TMEM163: variants seen among roughly 807,000 people sequenced by gnomAD.
TMEM163 encodes the protein transmembrane protein 163.
A neutral mutation model predicts 29.3 loss-of-function variants in TMEM163; 17 were observed. The observed-to-expected ratio is 0.58, with a 90% CI of 0.40 to 0.87. The LOEUF (loss-of-function observed/expected upper bound fraction) is 0.87. Ranked by LOEUF, TMEM163 falls within the 40% of genes least tolerant of loss-of-function variation. The pLI, the probability that TMEM163 is intolerant of heterozygous loss-of-function variation, is 0.00. For synonymous variants in TMEM163, 157 were observed against 160.6 expected (o/e 0.98, Z 0.17); for missense variants, 303 against 381.5 (o/e 0.79, Z 1.71).
At chr2:134,618,554 T>C (rs1397040175) in intron 2 of TMEM163, among the ~76,000 whole-genome samples, 3 of 152,152 alleles carry the variant, frequency 2.0e-5, no homozygotes, top group African/African-American at 7.2e-5. Context: ...TGACCTAATA[T>C]TTAAAGAACA....
intron 4 of TMEM163, among the ~76,000 whole-genome samples, chr2:134,507,588 G>T (rs986651368): frequency 6.6e-6 from 1 of 152,138 alleles, no homozygotes; most frequent in African/African-American, 2.4e-5. Flanking sequence ...TGAATAGGCC[G>T]GGTGTGGTGG....
intron 2 of TMEM163, among the ~76,000 whole-genome samples, chr2:134,582,580 G>A (rs535484511): frequency 1.1e-4 from 17 of 152,164 alleles, no homozygotes; most frequent in Admixed American, 2.6e-4. Context: ...AAAAATTCAC[G>A]TCAAAGCTTC....
At chr2:134,582,057 G>A (rs115194110) in intron 2 of TMEM163, among the ~76,000 whole-genome samples, 143 of 152,280 alleles carry the variant, frequency 9.4e-4, no homozygotes, top group Non-Finnish European at 1.7e-3. Flanking sequence ...CCATGAGAGA[G>A]CACAAGGTAT....
At chr2:134,527,426 C>A (rs1460763347) in intron 4 of TMEM163, among the ~76,000 whole-genome samples, 1 of 151,990 alleles carries the variant, frequency 6.6e-6, no homozygotes, top group African/African-American at 2.4e-5. Flanking sequence ...GAAAAAAATA[C>A]AACAAATCCT....
intron 1 of TMEM163, among the ~76,000 whole-genome samples, chr2:134,714,854 T>A (rs904435807): frequency 6.6e-6 from 1 of 152,182 alleles, no homozygotes; most frequent in Non-Finnish European, 1.5e-5. Context: ...AAATATAGCA[T>A]GTCCCTTTGT....
intron 2 of TMEM163, among the ~76,000 whole-genome samples, chr2:134,644,375 C>T (rs997260236): frequency 2.0e-5 from 3 of 152,076 alleles, no homozygotes; most frequent in Admixed American, 1.3e-4. Context: ...TAGAAAGCTA[C>T]GGTAATTAAG....
intron 4 of TMEM163, among the ~76,000 whole-genome samples, chr2:134,538,011 G>A (rs1680578355): frequency 6.6e-6 from 1 of 152,190 alleles, no homozygotes; most frequent in Non-Finnish European, 1.5e-5. Context: ...TCTGCTGGTG[G>A]GAATGTAAAA....
Position 134,460,280 on chromosome 2 carries a change from G to C in TMEM163, c.668-2107C>G, listed in dbSNP as rs547099097. On this transcript the variant is annotated intron_variant, in intron 6 of 7. Coordinates refer to ENST00000281924, the MANE Select transcript of TMEM163 (RefSeq NM_030923.5). The surrounding 1 kb of genome is among the most constrained non-coding windows in gnomAD (Gnocchi z 4.3). ...CACACAACCCTGCAACAGCCATCCT[G>C]CCCTCCCCTCAGGGCCACTGGGCTT... is the stretch of plus-strand genomic sequence containing the variant. Among the ~76,000 whole-genome samples the C allele has an allele frequency of 2.0e-5, 3 of 151,830 alleles. No individual in the cohort carries two copies. The highest frequency in any genetic ancestry group is 4.4e-5 in the Non-Finnish European group (3 of 67,958).
intron 2 of TMEM163, among the ~76,000 whole-genome samples, chr2:134,684,922 C>CAAA (rs56956631): frequency 1.3e-5 from 1 of 74,804 alleles, no homozygotes. Flanking sequence ...GACCCTGTCT[C>CAAA]AAAAAAAAAA....
chr2:134,502,846 G>C, intron 5 of TMEM163, 55 bp downstream of exon 5: 2 of 1,531,580 alleles, frequency 1.3e-6, no homozygotes, highest in Non-Finnish European at 1.8e-6. Context: ...ATAAGAGGCA[G>C]CCCAGGGGGC....
intron 2 of TMEM163, among the ~76,000 whole-genome samples, chr2:134,671,727 T>C (rs1476195001): frequency 6.6e-6 from 1 of 152,196 alleles, no homozygotes; most frequent in Non-Finnish European, 1.5e-5. Flanking sequence ...CGAGCATGAA[T>C]ATGGGCCACA....
At chr2:134,620,050 C>T (rs1380089754) in intron 2 of TMEM163, among the ~76,000 whole-genome samples, 2 of 152,124 alleles carry the variant, frequency 1.3e-5, no homozygotes, top group Non-Finnish European at 2.9e-5. Context: ...AAATTCTTTA[C>T]ATCCAGTAAC....
intron 2 of TMEM163, among the ~76,000 whole-genome samples, chr2:134,611,634 G>C (rs1283642364): frequency 6.6e-6 from 1 of 152,130 alleles, no homozygotes; most frequent in Non-Finnish European, 1.5e-5. Context: ...AGGACACATA[G>C]GCTAAAATCA....
intron 2 of TMEM163, among the ~76,000 whole-genome samples, chr2:134,577,409 A>G (rs1458569875): frequency 6.6e-6 from 1 of 152,184 alleles, no homozygotes; most frequent in Admixed American, 6.5e-5. Flanking sequence ...TCTCAGGGTT[A>G]GGGGAGGCAC....
chr2:134,580,085 CT>C (rs1348029913), intron 2 of TMEM163, among the ~76,000 whole-genome samples: 2 of 152,130 alleles, frequency 1.3e-5, no homozygotes, highest in African/African-American at 4.8e-5. Context: ...TCATCAAGCA[CT>C]TCAATAAACA....
intron 4 of TMEM163, among the ~76,000 whole-genome samples, chr2:134,508,484 CCT>C (rs55681710): frequency 0.08 from 12,234 of 152,188 alleles, 760 homozygotes; most frequent in East Asian, 0.27. Flanking sequence ...CCAGCTAAGC[CCT>C]CTTTCTCTCC....
chr2:134,484,541 G>A (rs1206862400), intron 5 of TMEM163, among the ~76,000 whole-genome samples: 3 of 152,126 alleles, frequency 2.0e-5, no homozygotes, highest in Non-Finnish European at 4.4e-5. Context: ...AGGCGTGGTG[G>A]CATGTGCCTG....
chr2:134,597,902 T>A (rs9287436), intron 2 of TMEM163, among the ~76,000 whole-genome samples: 97,417 of 152,020 alleles, frequency 0.64, 32,561 homozygotes, highest in African/African-American at 0.78. Context: ...TTATTTGCGT[T>A]GAGGTATTTA....
intron 2 of TMEM163, among the ~76,000 whole-genome samples, chr2:134,583,748 C>A (rs576616780): frequency 6.6e-6 from 1 of 152,292 alleles, no homozygotes; most frequent in East Asian, 1.9e-4. Flanking sequence ...CCTACATCTG[C>A]TCCAGCCACA....
Sources: gnomAD v4.1 joint callset for allele counts (sites outside exome capture counted in the v4.1 genomes callset) on GRCh38, gnomAD v4.1.1 for gene constraint, Gnocchi (gnomAD v3.1) non-coding constraint, MANE v1.5 for transcripts, NCBI Gene and HGNC (gene_info 2026-07-23, HGNC 2026-07-21) for gene names.